The following ERBB4 variants were observed in gnomAD, a reference collection of about 807,000 sequenced individuals.
The protein encoded by ERBB4 is erb-b2 receptor tyrosine kinase 4.
ERBB4 carries 42 observed loss-of-function variants against 158.0 expected under a neutral mutation model. The observed-to-expected ratio is 0.27, with a 90% CI of 0.21 to 0.34. The LOEUF (loss-of-function observed/expected upper bound fraction) is 0.34. Ranked by LOEUF, ERBB4 falls within the 10% of genes least tolerant of loss-of-function variation. The pLI, the probability that ERBB4 is intolerant of heterozygous loss-of-function variation, is 1.00. For synonymous variants in ERBB4, 583 were observed against 558.7 expected, an observed-to-expected ratio of 1.04 and a Z score of -0.61; for missense variants, 1,333 against 1,624.1, an observed-to-expected ratio of 0.82 and a Z score of 3.08.
At chr2:211,813,733 C>A (rs2076813884) in intron 3 of ERBB4, among the ~76,000 whole-genome samples, 1 of 152,008 alleles carries the variant, frequency 6.6e-6, no homozygotes, top group Non-Finnish European at 1.5e-5. Context: ...TAAACTAGTT[C>A]TCATTGCCTT....
At chr2:212,320,821 A>G (rs896755803) in intron 1 of ERBB4, among the ~76,000 whole-genome samples, 1 of 150,406 alleles carries the variant, frequency 6.6e-6, no homozygotes, top group African/African-American at 2.4e-5. Flanking sequence ...GTGAGAATCA[A>G]ATGAAACAAT....
At chr2:211,749,098 C>T (rs562517360) in intron 5 of ERBB4, among the ~76,000 whole-genome samples, 3 of 152,294 alleles carry the variant, frequency 2.0e-5, no homozygotes, top group South Asian at 4.1e-4. Context: ...GACTATGTTT[C>T]ATCTAACCCT....
At chr2:211,427,213 T>C (rs1164980322) in intron 22 of ERBB4, among the ~76,000 whole-genome samples, 2 of 138,622 alleles carry the variant, frequency 1.4e-5, no homozygotes, top group East Asian at 4.1e-4. Context: ...GAATGGTTTA[T>C]ATCTTTTTTT....
At chr2:211,816,058 T>C (rs1353087427) in intron 3 of ERBB4, among the ~76,000 whole-genome samples, 1 of 152,048 alleles carries the variant, frequency 6.6e-6, no homozygotes, top group African/African-American at 2.4e-5. Context: ...CCCTACCAGC[T>C]TCTCTCTTTC....
intron 3 of ERBB4, among the ~76,000 whole-genome samples, chr2:211,808,399 C>T (rs1559536361): frequency 2.0e-5 from 3 of 151,012 alleles, no homozygotes; most frequent in African/African-American, 7.3e-5. Context: ...TTCCCCATTG[C>T]TTTTTTTTTG....
chr2:211,539,003 C>T (rs1306112726), intron 20 of ERBB4, among the ~76,000 whole-genome samples: 2 of 151,900 alleles, frequency 1.3e-5, no homozygotes, highest in African/African-American at 4.8e-5. Context: ...GAATTTTACT[C>T]ATATTTATCA....
At chr2:212,240,215 C>T (rs773842601) in intron 1 of ERBB4, among the ~76,000 whole-genome samples, 50 of 152,048 alleles carry the variant, frequency 3.3e-4, no homozygotes, top group Non-Finnish European at 6.0e-4. Flanking sequence ...AAATATGGTA[C>T]CTTGGCTTTT....
intron 3 of ERBB4, among the ~76,000 whole-genome samples, chr2:211,839,655 A>G (rs1201661546): frequency 6.6e-6 from 1 of 152,142 alleles, no homozygotes; most frequent in East Asian, 1.9e-4. Flanking sequence ...TATAATCCAA[A>G]TCTCTTTGTA....
chr2:212,331,622 A>G (rs1317024237), intron 1 of ERBB4, among the ~76,000 whole-genome samples: 10 of 141,034 alleles, frequency 7.1e-5, no homozygotes. Flanking sequence ...AACTCAATCA[A>G]ATTATTACCA....
At chr2:211,899,211 T>C (rs545184232) in intron 3 of ERBB4, among the ~76,000 whole-genome samples, 6 of 152,306 alleles carry the variant, frequency 3.9e-5, no homozygotes, top group African/African-American at 1.4e-4. Flanking sequence ...GGAAAACTTA[T>C]GAGCACTCAA....
intron 1 of ERBB4, among the ~76,000 whole-genome samples, chr2:212,358,432 A>T (rs1365898136): frequency 6.6e-6 from 1 of 151,782 alleles, no homozygotes; most frequent in Non-Finnish European, 1.5e-5. Flanking sequence ...TGTACAGTAG[A>T]CAAATAATTT....
chr2:211,615,503 A>G (rs569437841), intron 19 of ERBB4, among the ~76,000 whole-genome samples: 55 of 152,190 alleles, frequency 3.6e-4, no homozygotes, highest in Admixed American at 2.1e-3. Context: ...ATGGGAATGA[A>G]GAATGTACTG....
At chr2:211,478,694 T>TTTTTTTTTTTTTTTTTTG (rs1559208608) in intron 20 of ERBB4, among the ~76,000 whole-genome samples, 3 of 152,234 alleles carry the variant, frequency 2.0e-5, no homozygotes, top group African/African-American at 7.2e-5. Context: ...CAAGCTCTTC[T>TTTTTTTTTTTTTTTTTTG]ACTTCTTGGG....
intron 20 of ERBB4, among the ~76,000 whole-genome samples, chr2:211,542,431 G>A (rs2066834487): frequency 6.6e-6 from 1 of 151,918 alleles, no homozygotes; most frequent in South Asian, 2.1e-4. Context: ...TGCTTTCCCC[G>A]TTAGTTAGTC....
At chr2:212,267,724 T>C (rs2085197391) in intron 1 of ERBB4, among the ~76,000 whole-genome samples, 1 of 151,488 alleles carries the variant, frequency 6.6e-6, no homozygotes, top group South Asian at 2.1e-4. Flanking sequence ...ACGTTAGGTG[T>C]ATCTCCTAAT....
At chr2:211,964,065 G>A (rs2081251266) in intron 2 of ERBB4, among the ~76,000 whole-genome samples, 1 of 152,044 alleles carries the variant, frequency 6.6e-6, no homozygotes, top group Non-Finnish European at 1.5e-5. Context: ...AAAGACACAT[G>A]GTATTTCTCT....
Position 212,437,934 on chromosome 2 carries a change from G to C in ERBB4, c.82+100515C>G, listed in dbSNP as rs536467728. On this transcript the variant is annotated intron_variant, in intron 1 of 27. Coordinates refer to ENST00000342788, the MANE Select transcript of ERBB4 (RefSeq NM_005235.3). ...TGATATTTCATCACAATCACTCTCTGGTTCCTCACAGTACCTACTCATTCT... is the reference window on the plus strand; with the variant it reads ...TGATATTTCATCACAATCACTCTCTCGTTCCTCACAGTACCTACTCATTCT... 2.0e-5 allele frequency among the ~76,000 whole-genome samples: 3 copies of C among 152,022 alleles called. No homozygotes were observed. The South Asian group carries it at 6.2e-4, about 32-fold the overall frequency.
intron 25 of ERBB4, among the ~76,000 whole-genome samples, chr2:211,420,211 C>T (rs183273800): frequency 1.3e-5 from 2 of 152,034 alleles, no homozygotes; most frequent in East Asian, 1.9e-4. Context: ...TGTTTTGCTT[C>T]TGAAATCTTG....
At chr2:211,675,786 A>T in intron 13 of ERBB4, among the ~76,000 whole-genome samples, 1 of 55,246 alleles carries the variant, frequency 1.8e-5, no homozygotes, top group Admixed American at 2.0e-4. Flanking sequence ...TATATAAAAT[A>T]TAATATTATA....
Sources: allele counts gnomAD v4.1 joint callset (sites outside exome capture counted in the v4.1 genomes callset), GRCh38; gene constraint gnomAD v4.1.1; transcripts MANE v1.5; gene names NCBI Gene and HGNC (gene_info 2026-07-23, HGNC 2026-07-21).